The following ORC4 variants were observed in gnomAD, a reference collection of about 807,000 sequenced individuals.
ORC4 encodes the protein origin recognition complex subunit 4, also known as origin recognition complex, subunit 4 homolog.
In ORC4, 55 loss-of-function variants were observed where a neutral mutation model predicts 63.9. The ratio of observed to expected loss-of-function variants is 0.86; its 90% CI spans 0.69 to 1.08. The LOEUF is 1.08. ORC4 is among the 50% of genes least tolerant of loss of function. The pLI is 0.00. For missense variants in ORC4, 511 were observed against 504.4 expected (o/e 1.01, Z -0.13); for synonymous variants, 150 against 168.5 (o/e 0.89, Z 0.85).
intron 1 of ORC4, among the ~76,000 whole-genome samples, chr2:148,007,290 C>T (rs921552437): frequency 9.9e-5 from 15 of 152,102 alleles, no homozygotes; most frequent in African/African-American, 1.7e-4. Flanking sequence ...AATAAAGATA[C>T]GTGACCTTTT....
rs1264644509 is a variant in ORC4, at chr2:147,952,036, TTAAAA to T, written c.588+332_588+336del. Among the ~76,000 whole-genome samples, 6 of 152,218 alleles carry T rather than the reference TTAAAA, an allele frequency of 3.9e-5. No homozygotes were observed. The East Asian group carries it at 7.7e-4, about 20-fold the overall frequency. The stretch of plus-strand genomic sequence containing the variant: ...CCTTTTCAAAATATGGAAAAAAATC[TTAAAA>T]TAAAAACTATTACCAAGTTTTCTCA... On this transcript the variant is annotated intron_variant, in intron 8 of 13. Transcript: ENST00000392857.
intron 1 of ORC4, among the ~76,000 whole-genome samples, chr2:147,986,041 TACC>T (rs1691183135): frequency 6.6e-6 from 1 of 152,200 alleles, no homozygotes; most frequent in African/African-American, 2.4e-5. Context: ...AGATGTTCAA[TACC>T]AACAATTCAC....
intron 8 of ORC4, 53 bp downstream of exon 8, chr2:147,952,320 G>A (rs1688998780): frequency 2.2e-6 from 3 of 1,356,212 alleles, no homozygotes; most frequent in Non-Finnish European, 2.1e-6. Context: ...CAGCAATTAA[G>A]CTTGAATTTT....
intron 1 of ORC4, among the ~76,000 whole-genome samples, chr2:147,998,036 T>C (rs1470969358): frequency 6.6e-6 from 1 of 152,190 alleles, no homozygotes; most frequent in African/African-American, 2.4e-5. Context: ...CCCAGCTTTT[T>C]AGGGAAAATA....
intron 1 of ORC4, among the ~76,000 whole-genome samples, chr2:147,992,413 C>T (rs1461792682): frequency 6.6e-6 from 1 of 152,018 alleles, no homozygotes; most frequent in Non-Finnish European, 1.5e-5. Context: ...TGAGGTACTG[C>T]CCCTGACAAA....
chr2:147,941,443 C>G (rs937241213), intron 10 of ORC4, among the ~76,000 whole-genome samples: 3 of 151,794 alleles, frequency 2.0e-5, no homozygotes, highest in African/African-American at 7.3e-5. Context: ...TATTAATAGT[C>G]ACAGTCATGA....
intron 1 of ORC4, among the ~76,000 whole-genome samples, chr2:148,009,902 A>C (rs1692845995): frequency 6.6e-6 from 1 of 152,218 alleles, no homozygotes; most frequent in South Asian, 2.1e-4. Flanking sequence ...CATTTATAAA[A>C]ACATAGATAG....
At chr2:148,006,447 TTAAGA>T (rs1692637548) in intron 1 of ORC4, among the ~76,000 whole-genome samples, 1 of 152,120 alleles carries the variant, frequency 6.6e-6, no homozygotes, top group African/African-American at 2.4e-5. Context: ...GGTAATGGAC[TTAAGA>T]TAAAACCCAG....
chr2:148,021,498 A>ACTGCTGCTG (rs1362951810), upstream of ORC4: 8 of 570,386 alleles, frequency 1.4e-5, 1 homozygote, highest in East Asian at 1.4e-4. Flanking sequence ...TGCTGCTGCT[A>ACTGCTGCTG]CTGCTGCTGC....
chr2:147,939,231 T>A lies in ORC4; in HGVS notation c.867A>T (p.Arg289=). The change falls in exon 11 of 14, where the codon CGA becomes CGT. Residue 289 remains arginine, a synonymous_variant. Transcript: ENST00000392857. The stretch of plus-strand genomic sequence containing the variant: ...TCATAAATGGGTGCGATGCTGTTAC[T>A]CGATTTAAAGCAAGCATCTAGGGAA... ...LHMLLMLALN[R]VTASHPFMTA... is the part of the protein sequence containing the mutation. The A allele has an allele frequency of 6.2e-7, 1 of 1,611,468 alleles. No individual in the cohort carries two copies. The highest frequency in any genetic ancestry group is 8.5e-7 in the Non-Finnish European group (1 of 1,177,786).
chr2:147,969,311 A>G (rs184934539), intron 4 of ORC4, among the ~76,000 whole-genome samples: 15 of 152,178 alleles, frequency 9.9e-5, no homozygotes, highest in Middle Eastern at 3.4e-3. Flanking sequence ...TAAATAAATG[A>G]TAAATGTTTG....
intron 4 of ORC4, among the ~76,000 whole-genome samples, chr2:147,963,532 C>T (rs964577820): frequency 5.9e-5 from 9 of 152,178 alleles, no homozygotes; most frequent in African/African-American, 2.2e-4. Flanking sequence ...GAACTGTATC[C>T]CTACACCTCT....
chr2:147,938,613 T>A (rs563271140), intron 11 of ORC4: 2 of 504,340 alleles, frequency 4.0e-6, no homozygotes, highest in Non-Finnish European at 7.1e-6. Flanking sequence ...AGGATATTTT[T>A]AAACTTTTAG....
At chr2:147,954,469 A>G (rs372522044) in intron 7 of ORC4, among the ~76,000 whole-genome samples, 25 of 152,184 alleles carry the variant, frequency 1.6e-4, no homozygotes, top group African/African-American at 6.0e-4. Flanking sequence ...GATAGTGTAG[A>G]CAACTGTAAC....
rs767750852 is a variant in ORC4 at position 147,955,298 on chromosome 2, ATAAAGT to A, written c.436+43_436+48del. On this transcript the variant is annotated intron_variant, in intron 7 of 13. Coordinates refer to ENST00000392857, the MANE Select transcript of ORC4 (RefSeq NM_181741.4). ...TATTACCTTTATAATCAGGGAAAAA[ATAAAGT>A]TAAAACAGATCTTCTGAAACGGCTG... 3.0e-6 allele frequency: 4 copies of A among 1,323,418 alleles called. No homozygotes were observed. In the South Asian group the frequency reaches 3.8e-5, roughly 13 times the overall value. The allele number at this position is 1,323,418 out of a possible 1,614,324, so 82.0% of individuals were successfully genotyped here. A position where few individuals can be genotyped will look rare whatever the true frequency, so the allele number is the denominator to read the frequency against.
chr2:147,952,305 A>T (rs766169786), intron 8 of ORC4, 68 bp downstream of exon 8: 249 of 1,147,212 alleles, frequency 2.2e-4, no homozygotes, highest in Non-Finnish European at 2.9e-4. Context: ...AAAAACTAGC[A>T]GTGTCAGCAA....
At chr2:148,017,035 C>T (rs995371131) in intron 1 of ORC4, among the ~76,000 whole-genome samples, 9 of 152,156 alleles carry the variant, frequency 5.9e-5, no homozygotes, top group South Asian at 2.1e-4. Flanking sequence ...CATTATGAAA[C>T]TTCTACTGAG....
At position 148,008,252 on chromosome 2, in the gene ORC4, C is replaced by A. The variant is rs191897271; in HGVS notation, c.-18+12381G>T. On this transcript the variant is annotated intron_variant, in intron 1 of 13. Transcript: ENST00000392857. ...GTGAAAGTAAGTGCACAGATAAATA[C>A]AGAATACTCTAACCGCTCATATCTT... Among the ~76,000 whole-genome samples, 6 of 152,288 alleles carry A rather than the reference C, an allele frequency of 3.9e-5. No homozygotes were observed. In the East Asian group the frequency reaches 1.2e-3, roughly 29 times the overall value.
At chr2:147,980,233 T>G (rs1327089427) in intron 1 of ORC4, among the ~76,000 whole-genome samples, 2 of 151,756 alleles carry the variant, frequency 1.3e-5, no homozygotes, top group Non-Finnish European at 2.9e-5. Flanking sequence ...GGAAAAAAAA[T>G]GCAACAATAA....
Sources: gnomAD v4.1 joint callset for allele counts (sites outside exome capture counted in the v4.1 genomes callset) on GRCh38, gnomAD v4.1.1 for gene constraint, MANE v1.5 for transcripts, NCBI Gene and HGNC (gene_info 2026-07-23, HGNC 2026-07-21) for gene names.